Variants in PDE10A observed in about 807,000 individuals in gnomAD.
PDE10A encodes the protein cAMP and cAMP-inhibited cGMP 3',5'-cyclic phosphodiesterase 10A.
In PDE10A, 39 loss-of-function variants were observed where a neutral mutation model predicts 97.7. The ratio of observed to expected loss-of-function variants is 0.40; its 90% confidence interval spans 0.31 to 0.52. The LOEUF is 0.52. Ranked by LOEUF, PDE10A falls within the 20% of genes least tolerant of loss-of-function variation. PDE10A has a pLI of 0.56. For missense variants in PDE10A, 731 were observed against 1,047.8 expected (o/e 0.70, Z 4.17); for synonymous variants, 371 against 376.8 (o/e 0.98, Z 0.18).
chr6:165,801,914 G>A (rs1202260387), intron 1 of PDE10A, among the ~76,000 whole-genome samples: 2 of 152,124 alleles, frequency 1.3e-5, no homozygotes, highest in African/African-American at 4.8e-5. Flanking sequence ...TATGCCAAAG[G>A]TGGATGCTCA....
chr6:165,547,189 A>G (rs1185058600), intron 1 of PDE10A, among the ~76,000 whole-genome samples: 14 of 152,178 alleles, frequency 9.2e-5, no homozygotes, highest in Non-Finnish European at 1.5e-5. Flanking sequence ...CTAATAAACT[A>G]CAACCTTTCA....
At chr6:165,455,226 C>T (rs1243663421) in intron 3 of PDE10A, among the ~76,000 whole-genome samples, 1 of 152,134 alleles carries the variant, frequency 6.6e-6, no homozygotes, top group Admixed American at 6.6e-5. Flanking sequence ...GACCCAAACT[C>T]CACTGAGGAG....
At chr6:165,631,558 A>T (rs915507514) in intron 1 of PDE10A, among the ~76,000 whole-genome samples, 2 of 152,252 alleles carry the variant, frequency 1.3e-5, no homozygotes, top group African/African-American at 4.8e-5. Flanking sequence ...TATCTACATT[A>T]CTACAGATTC....
intron 1 of PDE10A, among the ~76,000 whole-genome samples, chr6:165,704,843 C>A (rs146450903): frequency 1.1e-3 from 160 of 152,290 alleles, no homozygotes; most frequent in Non-Finnish European, 2.0e-3. Context: ...TGGGGAAAGG[C>A]GTACTTAGAC....
At chr6:165,897,290 C>A (rs1051661661) in intron 1 of PDE10A, among the ~76,000 whole-genome samples, 1 of 152,068 alleles carries the variant, frequency 6.6e-6, no homozygotes, top group Non-Finnish European at 1.5e-5. Flanking sequence ...TGGGGAGGCC[C>A]TTGTGTGTAG....
chr6:165,559,817 T>C (rs1370715483), intron 1 of PDE10A, among the ~76,000 whole-genome samples: 2 of 152,140 alleles, frequency 1.3e-5, no homozygotes, highest in Non-Finnish European at 2.9e-5. Context: ...TCTTACAAGA[T>C]GTGATGGTTT....
chr6:165,874,126 A>T (rs569763736), intron 1 of PDE10A, among the ~76,000 whole-genome samples: 40 of 152,366 alleles, frequency 2.6e-4, no homozygotes, highest in Admixed American at 7.2e-4. Context: ...ATCACTGCTC[A>T]GGAGACAGGG....
intron 1 of PDE10A, among the ~76,000 whole-genome samples, chr6:165,823,418 G>A (rs975390777): frequency 4.2e-5 from 6 of 141,570 alleles, no homozygotes; most frequent in African/African-American, 7.8e-5. Flanking sequence ...TGCATGGAGC[G>A]GTCATCTCCT....
At chr6:165,579,239 G>A (rs1219756656) in intron 1 of PDE10A, among the ~76,000 whole-genome samples, 1 of 152,196 alleles carries the variant, frequency 6.6e-6, no homozygotes, top group Non-Finnish European at 1.5e-5. Context: ...TTAACCTTGA[G>A]AATGATATAA....
intron 1 of PDE10A, among the ~76,000 whole-genome samples, chr6:165,912,833 ACTGTTTAGTATTGGCTAAGCAT>A (rs973602305): frequency 2.0e-5 from 3 of 152,064 alleles, no homozygotes; most frequent in Non-Finnish European, 4.4e-5. Flanking sequence ...AGTATAAGCA[ACTGTTTAGTATTGGCTAAGCAT>A]CTGTTTAGTA....
At chr6:165,448,106 T>A (rs1181304044) in intron 5 of PDE10A, among the ~76,000 whole-genome samples, 1 of 152,208 alleles carries the variant, frequency 6.6e-6, no homozygotes, top group Non-Finnish European at 1.5e-5. Context: ...ACAGGTAGCA[T>A]ATTGCAAAAA....
intron 18 of PDE10A, among the ~76,000 whole-genome samples, chr6:165,365,318 C>T (rs1783701921): frequency 6.6e-6 from 1 of 152,004 alleles, no homozygotes; most frequent in South Asian, 2.1e-4. Flanking sequence ...AATACATTGA[C>T]CAAGAGATGG....
At chr6:165,870,320 C>T (rs937682607) in intron 1 of PDE10A, among the ~76,000 whole-genome samples, 14 of 152,126 alleles carry the variant, frequency 9.2e-5, no homozygotes, top group Admixed American at 8.5e-4. Flanking sequence ...CAAAAGAAGA[C>T]ATACAAACGG....
At chr6:165,477,037 T>C (rs1779333661) in intron 3 of PDE10A, among the ~76,000 whole-genome samples, 1 of 152,194 alleles carries the variant, frequency 6.6e-6, no homozygotes, top group South Asian at 2.1e-4. Flanking sequence ...ATTAATATTG[T>C]GGATTAGATG....
At chr6:165,710,413 A>G (rs1428395070) in intron 1 of PDE10A, among the ~76,000 whole-genome samples, 5 of 152,206 alleles carry the variant, frequency 3.3e-5, no homozygotes, top group Non-Finnish European at 7.3e-5. Context: ...AAGTCCTTTT[A>G]GTTTTTGTGA....
At chr6:165,737,815 A>G (rs1792616131) in intron 1 of PDE10A, among the ~76,000 whole-genome samples, 2 of 152,222 alleles carry the variant, frequency 1.3e-5, no homozygotes, top group South Asian at 2.1e-4. Context: ...CAATTAGGCA[A>G]GAAAAAGGAA....
chr6:165,693,241 T>C (rs1791351143), intron 1 of PDE10A, among the ~76,000 whole-genome samples: 1 of 152,076 alleles, frequency 6.6e-6, no homozygotes, highest in African/African-American at 2.4e-5. Context: ...CATTTAAAAG[T>C]GCACTGAGGC....
chr6:165,957,993 T>C (rs1020854325), intron 1 of PDE10A, among the ~76,000 whole-genome samples: 12 of 152,218 alleles, frequency 7.9e-5, no homozygotes, highest in African/African-American at 2.9e-4. Context: ...GGGTTTGATC[T>C]CAAGCATGAT....
chr6:165,721,971 TG>T (rs1231141258), intron 1 of PDE10A, among the ~76,000 whole-genome samples: 1 of 152,236 alleles, frequency 6.6e-6, no homozygotes, highest in Admixed American at 6.5e-5. Flanking sequence ...AAACATTTCA[TG>T]GAGTTACACT....
Sources: allele counts gnomAD v4.1 joint callset (sites outside exome capture counted in the v4.1 genomes callset), GRCh38; gene constraint gnomAD v4.1.1; transcripts MANE v1.5; gene names NCBI Gene and HGNC (gene_info 2026-07-23, HGNC 2026-07-21).